TMTC2: variants seen among roughly 807,000 people sequenced by gnomAD.
TMTC2 encodes protein O-mannosyl-transferase TMTC2.
TMTC2 carries 43 observed loss-of-function variants against 82.4 expected under a neutral mutation model. That is an observed-to-expected ratio of 0.52 (90% confidence interval 0.41 to 0.67). The LOEUF (loss-of-function observed/expected upper bound fraction) is 0.67. TMTC2 is among the 30% of genes least tolerant of loss of function. The probability of loss-of-function intolerance (pLI) is 0.00; values close to 1 mark genes in which losing one functional copy is unlikely to be tolerated. For synonymous variants in TMTC2, 408 were observed against 381.9 expected (o/e 1.07, Z -0.80); for missense variants, 919 against 1,012.4 (o/e 0.91, Z 1.25).
chr12:82,938,018 G>A (rs1008493832), intron 4 of TMTC2, among the ~76,000 whole-genome samples: 3 of 149,090 alleles, frequency 2.0e-5, no homozygotes, highest in Admixed American at 6.8e-5. Context: ...AGGTTCAAGC[G>A]ATTTTCCTGC....
intron 1 of TMTC2, among the ~76,000 whole-genome samples, chr12:82,834,013 G>A (rs553753655): frequency 6.6e-6 from 1 of 152,308 alleles, no homozygotes; most frequent in East Asian, 1.9e-4. Flanking sequence ...ACTGTTTAAA[G>A]TGTGGCATGT....
intron 1 of TMTC2, among the ~76,000 whole-genome samples, chr12:82,708,027 T>A: frequency 6.6e-6 from 1 of 152,202 alleles, no homozygotes; most frequent in African/African-American, 2.4e-5. Flanking sequence ...GAGCATCTTG[T>A]GGGGCAAACC....
chr12:83,018,528 A>T (rs567669785), intron 8 of TMTC2, among the ~76,000 whole-genome samples: 1 of 152,300 alleles, frequency 6.6e-6, no homozygotes, highest in South Asian at 2.1e-4. Flanking sequence ...AGGGTTTTCT[A>T]ATTGCACTAA....
At chr12:82,785,415 G>A (rs1037440261) in intron 1 of TMTC2, among the ~76,000 whole-genome samples, 1 of 136,506 alleles carries the variant, frequency 7.3e-6, no homozygotes, top group Non-Finnish European at 1.5e-5. Context: ...AACAAACCAG[G>A]GAATATTATT....
chr12:83,052,615 A>G (rs1882393334), intron 10 of TMTC2, among the ~76,000 whole-genome samples: 2 of 152,156 alleles, frequency 1.3e-5, no homozygotes, highest in African/African-American at 4.8e-5. Flanking sequence ...AGACAGGCAA[A>G]TTCATCTTGA....
At chr12:82,690,266 A>T in intron 1 of TMTC2, 2 of 490,588 alleles carry the variant, frequency 4.1e-6, no homozygotes, top group Non-Finnish European at 5.3e-6. Flanking sequence ...ATTCATGTTT[A>T]AAACATTGCT....
chr12:82,783,171 A>G (rs1162319055), intron 1 of TMTC2, among the ~76,000 whole-genome samples: 1 of 152,142 alleles, frequency 6.6e-6, no homozygotes, highest in Non-Finnish European at 1.5e-5. Flanking sequence ...AGGGCTGGCC[A>G]TTTAAATAGA....
intron 11 of TMTC2, among the ~76,000 whole-genome samples, chr12:83,101,492 A>C (rs555776654): frequency 6.6e-6 from 1 of 152,314 alleles, no homozygotes; most frequent in African/African-American, 2.4e-5. Flanking sequence ...TTATGCCCCT[A>C]AATTATAGTT....
chr12:82,971,750 C>T (rs1267380949), intron 7 of TMTC2, among the ~76,000 whole-genome samples: 2 of 151,498 alleles, frequency 1.3e-5, no homozygotes, highest in South Asian at 2.1e-4. Flanking sequence ...TAAGAGAGAG[C>T]CTAGGGTAAC....
At chr12:83,051,746 A>G (rs1021230805) in intron 10 of TMTC2, among the ~76,000 whole-genome samples, 1 of 152,170 alleles carries the variant, frequency 6.6e-6, no homozygotes, top group African/African-American at 2.4e-5. Flanking sequence ...TTGCTTTGTC[A>G]TGAAACAATA....
chr12:83,073,472 G>A (rs905162816), intron 11 of TMTC2, among the ~76,000 whole-genome samples: 2 of 152,024 alleles, frequency 1.3e-5, no homozygotes, highest in Non-Finnish European at 2.9e-5. Context: ...AAATCTTTTT[G>A]CAATGAATTT....
intron 4 of TMTC2, among the ~76,000 whole-genome samples, chr12:82,941,833 C>G (rs749402901): frequency 6.6e-6 from 1 of 152,168 alleles, no homozygotes; most frequent in Non-Finnish European, 1.5e-5. Context: ...GATCTTGGCT[C>G]ACTGCAACCT....
At chr12:82,846,979 A>T (rs2137099859) in intron 1 of TMTC2, among the ~76,000 whole-genome samples, 1 of 152,130 alleles carries the variant, frequency 6.6e-6, no homozygotes, top group East Asian at 1.9e-4. Context: ...GAAACCTAAC[A>T]CTGCCCCTAA....
intron 8 of TMTC2, among the ~76,000 whole-genome samples, chr12:83,003,138 T>C (rs978878962): frequency 8.5e-5 from 13 of 152,138 alleles, no homozygotes; most frequent in Non-Finnish European, 1.6e-4. Context: ...GTTAAGTCTT[T>C]TTGTTGAATT....
intron 8 of TMTC2, among the ~76,000 whole-genome samples, chr12:83,011,127 G>T (rs559425279): frequency 6.6e-6 from 1 of 152,186 alleles, no homozygotes; most frequent in Non-Finnish European, 1.5e-5. Flanking sequence ...GAGCCACTGC[G>T]CCCGGCCTGA....
intron 3 of TMTC2, among the ~76,000 whole-genome samples, chr12:82,904,054 T>G (rs1874168556): frequency 6.6e-6 from 1 of 152,202 alleles, no homozygotes; most frequent in Non-Finnish European, 1.5e-5. Context: ...TCTTATATTT[T>G]TTTCTGTTTA....
Position 83,116,662 on chromosome 12 carries a change from T to A in TMTC2, c.2332-15548T>A, listed in dbSNP as rs192356477. Among the ~76,000 whole-genome samples the A allele has an allele frequency of 3.9e-4, 59 of 152,354 alleles. 2 individuals carry two copies. The East Asian group carries it at 0.011, about 27-fold the overall frequency. On this transcript the variant is annotated intron_variant, in intron 11 of 11. Coordinates refer to ENST00000321196, the MANE Select transcript of TMTC2 (RefSeq NM_152588.3). ...GTAAGGTGGTATCTCATTGTGGCTTTGATTTGCATTTCCCTGAACATTAGT... is the reference window on the plus strand; with the variant it reads ...GTAAGGTGGTATCTCATTGTGGCTTAGATTTGCATTTCCCTGAACATTAGT...
At chr12:83,045,752 C>CACACACACACACACACACACACA (rs3223367) in intron 9 of TMTC2, among the ~76,000 whole-genome samples, 308 of 149,136 alleles carry the variant, frequency 2.1e-3, no homozygotes, top group East Asian at 3.0e-3. Flanking sequence ...CACACACACA[C>CACACACACACACACACACACACA]CAGGAGTGTC....
chr12:82,725,859 TA>T (rs1874422777), intron 1 of TMTC2, among the ~76,000 whole-genome samples: 4 of 152,218 alleles, frequency 2.6e-5, no homozygotes, highest in African/African-American at 4.8e-5. Flanking sequence ...CGGATTAAGA[TA>T]AAAGACTGTG....
Sources: gnomAD v4.1 joint callset for allele counts (sites outside exome capture counted in the v4.1 genomes callset) on GRCh38, gnomAD v4.1.1 for gene constraint, MANE v1.5 for transcripts, NCBI Gene and HGNC (gene_info 2026-07-23, HGNC 2026-07-21) for gene names.